Variants in AXDND1 observed in about 807,000 individuals in gnomAD.
AXDND1 encodes axonemal dynein light chain domain containing 1.
AXDND1 carries 110 observed loss-of-function variants against 137.5 expected under a neutral mutation model. That is an observed-to-expected ratio of 0.80 (90% CI 0.69 to 0.94). The LOEUF (loss-of-function observed/expected upper bound fraction) is 0.94, where lower values mean the gene tolerates loss of function less well. Among genes scored for constraint, AXDND1 ranks in the 40% least tolerant of loss-of-function variants. The pLI is 0.00. For missense variants in AXDND1, 1,191 were observed against 1,169.8 expected, an observed-to-expected ratio of 1.02 and a Z score of -0.26; for synonymous variants, 414 against 399.7, an observed-to-expected ratio of 1.04 and a Z score of -0.43.
intron 11 of AXDND1, among the ~76,000 whole-genome samples, chr1:179,400,776 G>T (rs1651870238): frequency 6.6e-6 from 1 of 151,002 alleles, no homozygotes; most frequent in South Asian, 2.1e-4. Context: ...ATGGTGGCAG[G>T]CGCCTGTAGT....
chr1:179,464,966 A>G (rs1401399135), intron 16 of AXDND1, among the ~76,000 whole-genome samples: 1 of 152,164 alleles, frequency 6.6e-6, no homozygotes, highest in Non-Finnish European at 1.5e-5. Flanking sequence ...CAGCTCCATC[A>G]GGTCACTTAA....
intron 25 of AXDND1, chr1:179,546,301 T>C (rs1672637241): frequency 9.7e-6 from 1 of 102,920 alleles, no homozygotes; most frequent in South Asian, 3.4e-4. Context: ...ATAATGAGTG[T>C]TAGGTGGTTA....
Position 179,370,388 on chromosome 1 carries a change from C to T in AXDND1, c.374+310C>T, listed in dbSNP as rs566181754. On this transcript the variant is annotated intron_variant, in intron 4 of 25. Coordinates refer to ENST00000367618, the MANE Select transcript of AXDND1 (RefSeq NM_144696.6). ...GTACCCTAGTAAAAGGGACAAGATC[C>T]AACAGGCAGAATGCCTTTAGTGCTC... Among the ~76,000 whole-genome samples, 5 of 152,324 alleles carry T rather than the reference C, an allele frequency of 3.3e-5. No homozygotes were observed. In the South Asian group the frequency reaches 1.0e-3, roughly 32 times the overall value.
intron 25 of AXDND1, among the ~76,000 whole-genome samples, chr1:179,553,777 C>T (rs1033285734): frequency 6.6e-6 from 1 of 152,166 alleles, no homozygotes; most frequent in Non-Finnish European, 1.5e-5. Flanking sequence ...GACAGAGTCT[C>T]ACTCTGTCAC....
intron 20 of AXDND1, among the ~76,000 whole-genome samples, chr1:179,498,872 A>G (rs1590781): frequency 0.1 from 15,591 of 152,062 alleles, 1,176 homozygotes; most frequent in East Asian, 0.35. Context: ...CAAAACCACA[A>G]TGAGATACCA....
chr1:179,547,339 C>G (rs1672745403), intron 25 of AXDND1, among the ~76,000 whole-genome samples: 1 of 152,198 alleles, frequency 6.6e-6, no homozygotes, highest in Non-Finnish European at 1.5e-5. Flanking sequence ...ATGTAGAGCT[C>G]ATTCTAGCCA....
Position 179,429,550 on chromosome 1 carries a change from A to G in AXDND1, c.1263A>G (p.Arg421=), listed in dbSNP as rs760118111. The change falls in exon 13 of 26, where the codon AGA becomes AGG. Residue 421 remains arginine, a synonymous_variant. Coordinates refer to ENST00000367618, the MANE Select transcript of AXDND1 (RefSeq NM_144696.6). Reference sequence around the variant, plus strand: ...AAAGAAATAGAGTCATATTGGCTAGAAGACTTTACCTTAATGAAAAAGGCT... The same window carrying G: ...AAAGAAATAGAGTCATATTGGCTAGGAGACTTTACCTTAATGAAAAAGGCT... ...VIERNRVILA[R]RLYLNEKGWN... The G allele has an allele frequency of 6.4e-7, 1 of 1,572,208 alleles. No individual in the cohort carries two copies. The highest frequency in any genetic ancestry group is 2.0e-5 in the Admixed American group (1 of 50,990).
chr1:179,392,092 T>C (rs1650296846), intron 9 of AXDND1, among the ~76,000 whole-genome samples: 1 of 152,202 alleles, frequency 6.6e-6, no homozygotes, highest in Non-Finnish European at 1.5e-5. Context: ...CAGTGTACAC[T>C]GTACCAAATA....
chr1:179,385,285 C>T lies in AXDND1; in HGVS notation c.789C>T (p.Asn263=). Reference sequence around the variant, plus strand: ...TGAAGAAGGAACAGACCATTTACAACATGATATTTCATGAACTTATTCGAC... The same window carrying T: ...TGAAGAAGGAACAGACCATTTACAATATGATATTTCATGAACTTATTCGAC... The part of the protein sequence containing the change: ...HILKKEQTIY[N]MIFHELIRQV... Residue 263 remains asparagine, a synonymous_variant, in exon 9 of 26, where the codon AAC becomes AAT. Coordinates refer to ENST00000367618, the MANE Select transcript of AXDND1 (RefSeq NM_144696.6). 1.9e-6 allele frequency: 3 copies of T among 1,612,018 alleles called. No homozygotes were observed. The highest frequency in any genetic ancestry group is 1.7e-6 in the Non-Finnish European group (2 of 1,178,130).
chr1:179,531,721 C>G (rs1400771897), intron 23 of AXDND1, among the ~76,000 whole-genome samples: 1 of 152,138 alleles, frequency 6.6e-6, no homozygotes, highest in Non-Finnish European at 1.5e-5. Flanking sequence ...GGAGTGGGAT[C>G]TTCCCTGAGG....
chr1:179,533,694 C>A (rs2125706255), intron 23 of AXDND1, 101 bp from the exon 24 acceptor site: 1 of 789,312 alleles, frequency 1.3e-6, no homozygotes, highest in Non-Finnish European at 2.0e-6. Context: ...GGGTAGTAGA[C>A]AAAGAATATT....
chr1:179,420,874 C>T (rs1655575217), intron 12 of AXDND1, among the ~76,000 whole-genome samples: 1 of 152,028 alleles, frequency 6.6e-6, no homozygotes, highest in Non-Finnish European at 1.5e-5. Flanking sequence ...GCCTGCCCCA[C>T]CCTCCCAAGG....
At chr1:179,389,078 A>G (rs1255372474) in intron 9 of AXDND1, among the ~76,000 whole-genome samples, 1 of 146,868 alleles carries the variant, frequency 6.8e-6, no homozygotes, top group Non-Finnish European at 1.5e-5. Context: ...CATTCAAGTG[A>G]TTCTCCCGCC....
chr1:179,534,072 A>C (rs1671283975), intron 24 of AXDND1, among the ~76,000 whole-genome samples, 195 bp downstream of exon 24: 1 of 152,204 alleles, frequency 6.6e-6, no homozygotes, highest in Admixed American at 6.5e-5. Context: ...TCTTAACTAC[A>C]GTGGAAAGAT....
At chr1:179,419,352 C>G (rs1558150663) in intron 12 of AXDND1, among the ~76,000 whole-genome samples, 1 of 151,926 alleles carries the variant, frequency 6.6e-6, no homozygotes, top group Non-Finnish European at 1.5e-5. Flanking sequence ...GAGACTCTGT[C>G]TGCAATCCCG....
At chr1:179,391,460 C>T (rs538157391) in intron 9 of AXDND1, among the ~76,000 whole-genome samples, 10 of 152,082 alleles carry the variant, frequency 6.6e-5, no homozygotes, top group African/African-American at 2.4e-4. Flanking sequence ...GGGCCGTTTC[C>T]CTCATTCTGT....
chr1:179,470,834 T>G (rs545455527), intron 17 of AXDND1, among the ~76,000 whole-genome samples: 2 of 152,184 alleles, frequency 1.3e-5, no homozygotes, highest in African/African-American at 4.8e-5. Flanking sequence ...CCTATTCTTA[T>G]GGGAAATGCA....
chr1:179,525,672 AT>A, intron 22 of AXDND1, among the ~76,000 whole-genome samples: 1 of 151,816 alleles, frequency 6.6e-6, no homozygotes, highest in South Asian at 2.1e-4. Flanking sequence ...AATTTTTAAA[AT>A]TTTTTTTATA....
At chr1:179,447,906 G>A (rs1659970715) in intron 16 of AXDND1, 1 of 1,365,874 alleles carries the variant, frequency 7.3e-7, no homozygotes, top group Non-Finnish European at 1.0e-6. Flanking sequence ...TATGTAATAT[G>A]GTTTGAGGTG....
Sources: gnomAD v4.1 joint callset for allele counts (sites outside exome capture counted in the v4.1 genomes callset) on GRCh38, gnomAD v4.1.1 for gene constraint, MANE v1.5 for transcripts, NCBI Gene and HGNC (gene_info 2026-07-23, HGNC 2026-07-21) for gene names.